SUGCT: variants seen among roughly 807,000 people sequenced by gnomAD.
The protein encoded by SUGCT is succinyl-CoA:glutarate-CoA transferase, also known as succinyl-CoA:glutarate CoA-transferase.
SUGCT carries 41 observed loss-of-function variants against 55.0 expected under a neutral mutation model. The ratio of observed to expected loss-of-function variants is 0.74; its 90% CI spans 0.58 to 0.97. SUGCT has a LOEUF of 0.97. Ranked by LOEUF, SUGCT falls within the 50% of genes least tolerant of loss-of-function variation. SUGCT has a pLI of 0.00. For synonymous variants in SUGCT, 187 were observed against 200.4 expected, an observed-to-expected ratio of 0.93 and a Z score of 0.56; for missense variants, 568 against 547.8, an observed-to-expected ratio of 1.04 and a Z score of -0.37.
At chr7:41,029,851 T>A in the SUGCT span, among the ~76,000 whole-genome samples, 1 of 152,216 alleles carries the variant, frequency 6.6e-6, no homozygotes, top group Non-Finnish European at 1.5e-5. Context: ...TATCCATCAT[T>A]GCAGTATCAT....
At chr7:40,635,611 GA>G (rs1799991708) in intron 12 of SUGCT, among the ~76,000 whole-genome samples, 1 of 152,138 alleles carries the variant, frequency 6.6e-6, no homozygotes, top group African/African-American at 2.4e-5. Flanking sequence ...CCAAATAAGG[GA>G]ATATTTTGAA....
At chr7:40,950,125 A>G in the SUGCT span, among the ~76,000 whole-genome samples, 2 of 152,232 alleles carry the variant, frequency 1.3e-5, no homozygotes, top group South Asian at 2.1e-4. Context: ...ATCTTCTTCT[A>G]TTTCATTGAG....
chr7:41,011,538 C>T, the SUGCT span, among the ~76,000 whole-genome samples: 65 of 152,316 alleles, frequency 4.3e-4, no homozygotes, highest in Non-Finnish European at 7.5e-4. Flanking sequence ...GAAACTCAGA[C>T]CATACCCCAG....
chr7:40,385,588 T>A (rs1785079616), intron 9 of SUGCT, among the ~76,000 whole-genome samples: 1 of 152,224 alleles, frequency 6.6e-6, no homozygotes, highest in African/African-American at 2.4e-5. Flanking sequence ...TCTGAATTCC[T>A]TGTGCTGCTT....
chr7:40,873,884 G>T, the SUGCT span, among the ~76,000 whole-genome samples: 2 of 152,242 alleles, frequency 1.3e-5, no homozygotes. Flanking sequence ...GGAGTTCAGA[G>T]ATGGGAATGA....
chr7:40,499,121 TG>T, intron 12 of SUGCT: 1 of 456,724 alleles, frequency 2.2e-6, no homozygotes, highest in South Asian at 1.5e-5. Context: ...CTGGCGCGTG[TG>T]GCCCACTCTC....
chr7:40,884,765 C>T, the SUGCT span, among the ~76,000 whole-genome samples: 6,361 of 152,188 alleles, frequency 0.042, 144 homozygotes, highest in East Asian at 0.13. Flanking sequence ...AATGGAGTCA[C>T]AAAGTATGAA....
chr7:40,435,833 A>G (rs1404846460), intron 9 of SUGCT, among the ~76,000 whole-genome samples: 4 of 151,600 alleles, frequency 2.6e-5, no homozygotes, highest in Admixed American at 2.0e-4. Flanking sequence ...GACTCTCTAT[A>G]TATCTCTTGG....
At chr7:40,628,094 C>A (rs1377036480) in intron 12 of SUGCT, among the ~76,000 whole-genome samples, 2 of 152,172 alleles carry the variant, frequency 1.3e-5, no homozygotes, top group Admixed American at 1.3e-4. Context: ...TTGCTGAAAT[C>A]AACTCTAATT....
chr7:40,476,550 G>A (rs1029398910), intron 11 of SUGCT, among the ~76,000 whole-genome samples: 2 of 151,900 alleles, frequency 1.3e-5, no homozygotes, highest in African/African-American at 2.4e-5. Flanking sequence ...TTTGCTTAAC[G>A]TTCTTTGTGT....
chr7:40,699,825 T>G (rs554340624), intron 12 of SUGCT, among the ~76,000 whole-genome samples: 27 of 151,966 alleles, frequency 1.8e-4, no homozygotes, highest in African/African-American at 6.0e-4. Context: ...GCCACTACAC[T>G]CCAGCCTGGG....
At chr7:40,831,624 C>T (rs1792670147) in intron 13 of SUGCT, among the ~76,000 whole-genome samples, 1 of 152,230 alleles carries the variant, frequency 6.6e-6, no homozygotes, top group South Asian at 2.1e-4. Flanking sequence ...CTACTAAATA[C>T]TCCCAGAATT....
chr7:40,529,966 G>A (rs1468746336), intron 12 of SUGCT, among the ~76,000 whole-genome samples: 1 of 152,108 alleles, frequency 6.6e-6, no homozygotes, highest in African/African-American at 2.4e-5. Flanking sequence ...AGCCCAGTGT[G>A]GACCATAAGC....
intron 9 of SUGCT, among the ~76,000 whole-genome samples, chr7:40,341,413 A>G (rs1797036073): frequency 1.3e-5 from 2 of 152,156 alleles, no homozygotes; most frequent in African/African-American, 2.4e-5. Context: ...AGGTATTAAT[A>G]GAGAAAAAAA....
intron 13 of SUGCT, among the ~76,000 whole-genome samples, chr7:40,835,954 G>A (rs1419199803): frequency 4.0e-5 from 6 of 149,882 alleles, no homozygotes; most frequent in Non-Finnish European, 5.9e-5. Flanking sequence ...ATGCAGTGGA[G>A]TGATCATGGC....
chr7:40,198,512 T>A (rs1044879261), intron 6 of SUGCT, among the ~76,000 whole-genome samples: 5 of 152,240 alleles, frequency 3.3e-5, no homozygotes, highest in African/African-American at 1.2e-4. Flanking sequence ...CCAAAGTCAT[T>A]CATGAGTTGT....
At chr7:40,324,826 T>G (rs11764628) in intron 9 of SUGCT, among the ~76,000 whole-genome samples, 1 of 152,006 alleles carries the variant, frequency 6.6e-6, no homozygotes, top group Non-Finnish European at 1.5e-5. Flanking sequence ...ATTCTTTTTT[T>G]ATGCTCTTTC....
the SUGCT span, among the ~76,000 whole-genome samples, chr7:40,884,283 C>T: frequency 4.4e-4 from 67 of 152,298 alleles, no homozygotes; most frequent in Middle Eastern, 0.017. Flanking sequence ...AGACTGTCTC[C>T]CTGTCCAGAT....
chr7:40,823,812 G>A (rs1792156519), intron 13 of SUGCT, among the ~76,000 whole-genome samples: 1 of 152,156 alleles, frequency 6.6e-6, no homozygotes, highest in East Asian at 1.9e-4. Flanking sequence ...AATAGCGACA[G>A]ACTTAAGAGA....
Sources: allele counts gnomAD v4.1 joint callset (sites outside exome capture counted in the v4.1 genomes callset), GRCh38; gene constraint gnomAD v4.1.1; transcripts MANE v1.5; gene names NCBI Gene and HGNC (gene_info 2026-07-23, HGNC 2026-07-21).